The following SETD5 variants were observed in gnomAD, a reference collection of about 807,000 sequenced individuals.
The protein encoded by SETD5 is SET domain containing 5, also known as histone-lysine N-methyltransferase SETD5.
In SETD5, 44 loss-of-function variants were observed where a neutral mutation model predicts 153.3. The ratio of observed to expected loss-of-function variants is 0.29; its 90% CI spans 0.23 to 0.37. SETD5 has a LOEUF of 0.37. Among genes scored for constraint, SETD5 ranks in the 10% least tolerant of loss-of-function variants. SETD5 has a pLI of 1.00. For synonymous variants in SETD5, 716 were observed against 645.2 expected (o/e 1.11, Z -1.66); for missense variants, 1,544 against 1,768.0 (o/e 0.87, Z 2.27).
At chr3:9,410,942 G>A (rs2036481997) in intron 1 of SETD5, among the ~76,000 whole-genome samples, 2 of 150,408 alleles carry the variant, frequency 1.3e-5, no homozygotes, top group African/African-American at 4.9e-5. Context: ...AGGCTGGAGT[G>A]CAGTGGCATG....
At chr3:9,464,827 A>G (rs1575574204) in intron 18 of SETD5, 155 bp downstream of exon 18, 1 of 1,204,700 alleles carries the variant, frequency 8.3e-7, no homozygotes, top group East Asian at 2.4e-5. Flanking sequence ...GTGGCCTGTT[A>G]CCTGGTAGCC....
chr3:9,453,596 G>C (rs2042879283), intron 16 of SETD5, 143 bp from the exon 17 acceptor site: 1 of 699,594 alleles, frequency 1.4e-6, no homozygotes, highest in Admixed American at 3.8e-5. Context: ...AATATGCTGA[G>C]ACACAAGACA....
At chr3:9,475,044 T>A (rs764904877) in intron 21 of SETD5, 24 bp from the exon 22 acceptor site, 13 of 1,546,288 alleles carry the variant, frequency 8.4e-6, no homozygotes, top group Non-Finnish European at 1.1e-5. Context: ...AAGTTGATTT[T>A]TTTTTATATA....
At chr3:9,429,563 T>G (rs1000314882) in intron 3 of SETD5, among the ~76,000 whole-genome samples, 1 of 152,160 alleles carries the variant, frequency 6.6e-6, no homozygotes, top group African/African-American at 2.4e-5. Flanking sequence ...CAAACTTTTT[T>G]TTCAGCTAAG....
At chr3:9,430,544 C>G (rs1189569566) in intron 3 of SETD5, 1 of 218,118 alleles carries the variant, frequency 4.6e-6, no homozygotes, top group East Asian at 1.8e-4. Flanking sequence ...ACTTAAAACT[C>G]TCCCTGCATT....
At chr3:9,464,396 A>C (rs1575571444) in intron 17 of SETD5, 29 bp from the exon 18 acceptor site, 4 of 1,593,350 alleles carry the variant, frequency 2.5e-6, no homozygotes, top group African/African-American at 1.3e-5. Flanking sequence ...TGTGGTTTCA[A>C]ACTCTCATCC....
chr3:9,448,455 G>A lies in SETD5; in HGVS notation c.2171G>A (p.Arg724His), dbSNP rs1271120431. 7 of 1,613,872 alleles carry A rather than the reference G, an allele frequency of 4.3e-6. No individual in the cohort carries two copies. Among genetic ancestry groups the A allele is most frequent in the Non-Finnish European group, 5.9e-6 (7 of 1,179,868 alleles). ...GAGTGCCCTGTTGAGTGCCCTTTACGTATCACAACGGATCCAACTGTACTG... is the reference window on the plus strand; with the variant it reads ...GAGTGCCCTGTTGAGTGCCCTTTACATATCACAACGGATCCAACTGTACTG... The part of the protein sequence containing the change: ...KQECPVECPL[R>H]ITTDPTVLAT... Residue 724 changes from arginine to histidine, a missense_variant, in exon 16 of 23, where the codon CGT becomes CAT. Transcript: ENST00000402198.
intron 17 of SETD5, among the ~76,000 whole-genome samples, chr3:9,459,710 C>G (rs1169126182): frequency 3.6e-5 from 5 of 139,290 alleles, no homozygotes; most frequent in Admixed American, 3.6e-4. Flanking sequence ...CAGCGAGACT[C>G]CATCAAAAAA....
At chr3:9,405,719 A>T (rs1207760021) in intron 1 of SETD5, among the ~76,000 whole-genome samples, 1 of 152,166 alleles carries the variant, frequency 6.6e-6, no homozygotes, top group African/African-American at 2.4e-5. Context: ...TAGCATATTT[A>T]ATACTGTTGA....
In SETD5 at chr3:9,453,802, A is replaced by G. The variant is rs768418967; in HGVS notation, c.2410A>G (p.Arg804Gly). ...AACATCATCTGTACCCCAAGAGACT[A>G]GAACTCAGCACCTATACCAAAGCAA... ...TQTSSVPQET[R>G]TQHLYQSNEN... Residue 804 changes from arginine to glycine, a missense_variant, in exon 17 of 23, where the codon AGA becomes GGA. Physicochemically the swap from Arg to Gly is moderately radical, Grantham distance 125 (BLOSUM62 -2). This residue lies in a region of SETD5 where 782 missense variants were observed against 787.2 expected (regional missense o/e 0.99). Coordinates refer to ENST00000402198, the MANE Select transcript of SETD5 (RefSeq NM_001080517.3). 1 of 1,610,416 alleles carries G rather than the reference A, an allele frequency of 6.2e-7. No individual in the cohort carries two copies. Among genetic ancestry groups the G allele is most frequent in the South Asian group, 1.1e-5 (1 of 90,340 alleles).
chr3:9,473,150 C>T, intron 19 of SETD5, 86 bp from the exon 20 acceptor site: 1 of 1,455,416 alleles, frequency 6.9e-7, no homozygotes, highest in Non-Finnish European at 9.2e-7. Flanking sequence ...AAGGTACCAT[C>T]TTTCCTTCTT....
At chr3:9,451,278 T>C (rs2042597191) in intron 16 of SETD5, among the ~76,000 whole-genome samples, 1 of 152,228 alleles carries the variant, frequency 6.6e-6, no homozygotes, top group South Asian at 2.1e-4. Flanking sequence ...GAAAATCTGC[T>C]CAGTGTTCAG....
At chr3:9,420,355 T>C (rs958516268) in intron 1 of SETD5, among the ~76,000 whole-genome samples, 6 of 152,196 alleles carry the variant, frequency 3.9e-5, no homozygotes, top group Admixed American at 3.3e-4. Context: ...GCACTAATTA[T>C]GAAGTTTTTT....
At chr3:9,429,935 G>T in intron 3 of SETD5, 1 of 1,301,770 alleles carries the variant, frequency 7.7e-7, no homozygotes, top group South Asian at 1.2e-5. Context: ...ACCCCCAGAA[G>T]CCAAGTCTAT....
At chr3:9,408,612 C>G (rs1338691501) in intron 1 of SETD5, among the ~76,000 whole-genome samples, 2 of 148,910 alleles carry the variant, frequency 1.3e-5, no homozygotes, top group Admixed American at 1.3e-4. Context: ...CTCTATTAAA[C>G]AACCTCCCCC....
intron 19 of SETD5, among the ~76,000 whole-genome samples, chr3:9,471,773 T>TG (rs2045329220): frequency 6.6e-6 from 1 of 152,234 alleles, no homozygotes; most frequent in Non-Finnish European, 1.5e-5. Flanking sequence ...CCCAGTGACT[T>TG]GCATTTATTG....
intron 3 of SETD5, chr3:9,432,195 C>T (rs2040044733): frequency 1.4e-6 from 1 of 713,676 alleles, no homozygotes. Context: ...CTTGCAGACA[C>T]TTTTAAGTAA....
At chr3:9,457,018 GAGAAA>G (rs1274847937) in intron 17 of SETD5, among the ~76,000 whole-genome samples, 1 of 150,870 alleles carries the variant, frequency 6.6e-6, no homozygotes, top group Non-Finnish European at 1.5e-5. Flanking sequence ...AGAAAGAAAA[GAGAAA>G]AGAAAAGAAG....
rs1432231015 is a variant in SETD5 at position 9,445,962 on chromosome 3, G to GTTTTTTTTTTTTTT, written c.1524+224_1524+225insTTTTTTTTTTTTTT. ...TATTATCTAGTGATGGTTTGAAGAGGTTGTTTTTTTTTTTTTTTTTTTTTT... is the reference window on the plus strand; with the variant it reads ...TATTATCTAGTGATGGTTTGAAGAGGTTTTTTTTTTTTTTTTGTTTTTTTTTTTTTTTTTTTTTT... On this transcript the variant is annotated intron_variant, in intron 13 of 22. Transcript: ENST00000402198. Among the ~76,000 whole-genome samples, 43 of 120,242 alleles carry GTTTTTTTTTTTTTT rather than the reference G, an allele frequency of 3.6e-4. 1 individual carries two copies. Among genetic ancestry groups the GTTTTTTTTTTTTTT allele is most frequent in the East Asian group, 1.1e-3 (5 of 4,376 alleles). The allele number at this position is 120,242 out of a possible 152,430, so 78.9% of individuals were successfully genotyped here.
Sources: allele counts gnomAD v4.1 joint callset (sites outside exome capture counted in the v4.1 genomes callset), GRCh38; gene constraint gnomAD v4.1.1; regional missense constraint gnomAD v4.1.1; transcripts MANE v1.5; gene names NCBI Gene and HGNC (gene_info 2026-07-23, HGNC 2026-07-21).